The following HSD17B13 variants were observed in gnomAD, a reference collection of about 807,000 sequenced individuals.
HSD17B13 encodes 17-beta-hydroxysteroid dehydrogenase 13.
HSD17B13 carries 26 observed loss-of-function variants against 31.1 expected under a neutral mutation model. The observed-to-expected ratio is 0.84, with a 90% CI of 0.61 to 1.16. HSD17B13 has a LOEUF of 1.16. Among genes scored for constraint, HSD17B13 ranks in the 50% most tolerant of loss-of-function variants. HSD17B13 has a pLI of 0.00. For missense variants in HSD17B13, 374 were observed against 366.5 expected (o/e 1.02, Z -0.17); for synonymous variants, 141 against 133.7 (o/e 1.05, Z -0.38).
rs149172417 is a variant in HSD17B13, at chr4:87,319,177, G to A, written c.211-741C>T. Among the ~76,000 whole-genome samples the A allele has an allele frequency of 3.3e-3, 501 of 152,064 alleles. 2 individuals carry two copies. The highest frequency in any genetic ancestry group is 5.4e-3 in the Non-Finnish European group (365 of 67,984). On this transcript the variant is annotated intron_variant, in intron 1 of 6. Transcript: ENST00000328546. ...AACCTGGGTGACAGAGTGGGACTTC[G>A]TCTCAAAATAAAATAAAAATTGGCC...
rs78194430 is a variant in HSD17B13 at position 87,305,170 on chromosome 4, C to G, written c.*48G>C. ...AAAGCTTTGCAGCATTGATTCGAAA[C>G]TATTCATATCATTATCATGCATACA... On this transcript the variant is annotated 3_prime_UTR_variant, in exon 7 of 7. Transcript: ENST00000328546. The G allele has an allele frequency of 0.028, 32,918 of 1,194,260 alleles. 2,450 individuals are homozygous for G. The East Asian group carries it at 0.3, about 11-fold the overall frequency. The allele number at this position is 1,194,260 out of a possible 1,614,324, so 74.0% of individuals were successfully genotyped here. A position where few individuals can be genotyped will look rare whatever the true frequency, so the allele number is the denominator to read the frequency against.
chr4:87,322,739 C>A lies in HSD17B13; in HGVS notation c.103G>T (p.Ala35Ser), dbSNP rs973333376. 6.2e-7 allele frequency: 1 copy of A among 1,614,094 alleles called. No individual in the cohort carries two copies. Among genetic ancestry groups the A allele is most frequent in the African/African-American group, 1.3e-5 (1 of 75,040 alleles). ...CCAGTAATGAGAACAATCTCCCCAGCCACAGATTTTCTCCTCTGAGGAATG... is the reference window on the plus strand; with the variant it reads ...CCAGTAATGAGAACAATCTCCCCAGACACAGATTTTCTCCTCTGAGGAATG... ...FFIPQRRKSV[A>S]GEIVLITGAG... Residue 35 changes from alanine (A) to serine (S), a missense_variant, in exon 1 of 7, where the codon GCT (alanine) becomes TCT (serine). Transcript: ENST00000328546.
intron 5 of HSD17B13, among the ~76,000 whole-genome samples, chr4:87,311,688 G>T (rs1276127158): frequency 1.3e-5 from 2 of 152,174 alleles, no homozygotes; most frequent in Non-Finnish European, 2.9e-5. Context: ...TCCAGGCATG[G>T]ACTGAACAGC....
intron 6 of HSD17B13, among the ~76,000 whole-genome samples, chr4:87,307,627 G>A (rs775454749): frequency 4.0e-5 from 6 of 151,884 alleles, no homozygotes; most frequent in African/African-American, 1.5e-4. Flanking sequence ...ATTCTCCTGC[G>A]AGTGCCTGGT....
Position 87,317,100 on chromosome 4 carries a change from G to A in HSD17B13, c.442C>T (p.His148Tyr). 1 of 1,613,920 alleles carries A rather than the reference G, an allele frequency of 6.2e-7. No homozygotes were observed. The highest frequency in any genetic ancestry group is 8.5e-7 in the Non-Finnish European group (1 of 1,179,866). The part of the protein sequence containing the change: ...TKTFEVNILG[H>Y]FWITKALLPS... Reference sequence around the variant, plus strand: ...TTCTGACTCACACTCACCCAAAAATGTCCTAGGATGTTGACCTCAAATGTC... The same window carrying A: ...TTCTGACTCACACTCACCCAAAAATATCCTAGGATGTTGACCTCAAATGTC... Residue 148 changes from histidine to tyrosine, a missense_variant, in exon 3 of 7, where the codon CAT becomes TAT. Coordinates refer to ENST00000328546, the MANE Select transcript of HSD17B13 (RefSeq NM_178135.5).
In HSD17B13 at chr4:87,315,523, T is replaced by C. The variant is rs529136744; in HGVS notation, c.527A>G (p.His176Arg). ...TGGGATGAGGTAAGGAATCCCTTCG[T>C]GGCCGCACACTGAAGCCACTGTGAC... ...HIVTVASVCG[H>R]EGIPYLIPYC... Residue 176 changes from histidine to arginine, a missense_variant, in exon 4 of 7, where the codon CAC becomes CGC. His to Arg is a conservative substitution (Grantham distance 29). Transcript: ENST00000328546. The C allele has an allele frequency of 1.4e-5, 23 of 1,611,448 alleles. No individual in the cohort carries two copies. In the South Asian group the frequency reaches 2.3e-4, roughly 16 times the overall value.
Position 87,304,588 on chromosome 4 carries a change from A to G in HSD17B13, c.*630T>C, listed in dbSNP as rs1165930138. The G allele has an allele frequency of 6.6e-6, 1 of 152,212 alleles. No individual in the cohort carries two copies. Among genetic ancestry groups the G allele is most frequent in the Non-Finnish European group, 1.5e-5 (1 of 68,040 alleles). The allele number at this position is 152,212 out of a possible 1,614,324, so 9.4% of individuals were successfully genotyped here. A position where few individuals can be genotyped will look rare whatever the true frequency, so the allele number is the denominator to read the frequency against. ...TTCATAATGTATCTTATAAGACTAT[A>G]AAAAGGGAGGAAATATAGAGGGTCC... On this transcript the variant is annotated 3_prime_UTR_variant, in exon 7 of 7. Transcript: ENST00000328546.
chr4:87,320,973 A>G (rs1362883573), intron 1 of HSD17B13, among the ~76,000 whole-genome samples: 2 of 152,208 alleles, frequency 1.3e-5, no homozygotes, highest in African/African-American at 4.8e-5. Context: ...ATGTTTAACC[A>G]TGAAATTTAA....
intron 3 of HSD17B13, 122 bp downstream of exon 3, chr4:87,316,970 G>A: frequency 1.0e-6 from 1 of 975,676 alleles, no homozygotes; most frequent in South Asian, 1.6e-5. Flanking sequence ...CAAATTTAAT[G>A]ATTCTTGATT....
Position 87,304,461 on chromosome 4 carries a change from A to G in HSD17B13, c.*757T>C, listed in dbSNP as rs1356990033. On this transcript the variant is annotated 3_prime_UTR_variant, in exon 7 of 7. Coordinates refer to ENST00000328546, the MANE Select transcript of HSD17B13 (RefSeq NM_178135.5). ...TTTTTGAGCCTAAAATTGTCTAAAC[A>G]TCTCTGGGACCAAGGATATATGAAA... 6.6e-6 allele frequency: 1 copy of G among 152,248 alleles called. No individual in the cohort carries two copies. Among genetic ancestry groups the G allele is most frequent in the Admixed American group, 6.5e-5 (1 of 15,278 alleles). The allele number at this position is 152,248 out of a possible 1,614,324, so 9.4% of individuals were successfully genotyped here.
intron 6 of HSD17B13, among the ~76,000 whole-genome samples, chr4:87,305,515 T>C (rs1253359941): frequency 3.3e-5 from 5 of 151,900 alleles, no homozygotes; most frequent in Non-Finnish European, 4.4e-5. Flanking sequence ...CATAGTGGAC[T>C]TCATTAGGAA....
intron 5 of HSD17B13, among the ~76,000 whole-genome samples, chr4:87,312,678 C>A (rs1343896390): frequency 6.6e-6 from 1 of 151,160 alleles, no homozygotes; most frequent in Admixed American, 6.6e-5. Flanking sequence ...TACAGGCGCC[C>A]GCCACCACGC....
At chr4:87,318,481 A>G (rs1368610618) in intron 1 of HSD17B13, 45 bp from the exon 2 acceptor site, 3 of 1,532,884 alleles carry the variant, frequency 2.0e-6, no homozygotes, top group Non-Finnish European at 2.7e-6. Flanking sequence ...GGAGGAGAAG[A>G]CATTGGAGAA....
At chr4:87,322,099 C>T (rs6828253) in intron 1 of HSD17B13, among the ~76,000 whole-genome samples, 9 of 152,256 alleles carry the variant, frequency 5.9e-5, no homozygotes, top group East Asian at 1.9e-4. Flanking sequence ...TCATGTGCCA[C>T]GTATCGTTTA....
At position 87,304,093 on chromosome 4, in the gene HSD17B13, A is replaced by G. The variant is rs975109563; in HGVS notation, c.*1125T>C. ...GGGAGGCCGAGGCAGGTGGATCACGAGGTCAGGAGATCGAGACCATCTTGG... is the reference window on the plus strand; with the variant it reads ...GGGAGGCCGAGGCAGGTGGATCACGGGGTCAGGAGATCGAGACCATCTTGG... On this transcript the variant is annotated 3_prime_UTR_variant, in exon 7 of 7. Coordinates refer to ENST00000328546, the MANE Select transcript of HSD17B13 (RefSeq NM_178135.5). The G allele has an allele frequency of 6.6e-6, 1 of 151,892 alleles. No homozygotes were observed. The highest frequency in any genetic ancestry group is 2.4e-5 in the African/African-American group (1 of 41,334). The allele number at this position is 151,892 out of a possible 1,614,324, so 9.4% of individuals were successfully genotyped here. A position where few individuals can be genotyped will look rare whatever the true frequency, so the allele number is the denominator to read the frequency against.
intron 5 of HSD17B13, among the ~76,000 whole-genome samples, chr4:87,312,616 G>A (rs1412951549): frequency 4.1e-4 from 52 of 127,820 alleles, no homozygotes; most frequent in East Asian, 2.2e-3. Context: ...TGCAAGCTCC[G>A]CCTCCCGGGT....
intron 5 of HSD17B13, among the ~76,000 whole-genome samples, chr4:87,310,574 G>A (rs1324660537): frequency 6.6e-6 from 1 of 152,142 alleles, no homozygotes; most frequent in African/African-American, 2.4e-5. Context: ...TATCCAGTAG[G>A]TGTGTTTCAT....
At position 87,303,980 on chromosome 4, in the gene HSD17B13, GTCTTGATGTA is replaced by G. The variant is rs1198066758; in HGVS notation, c.*1228_*1237del. On this transcript the variant is annotated 3_prime_UTR_variant, in exon 7 of 7. Transcript: ENST00000328546. ...GTGAAAAACACACAAAACAAGATTAGTCTTGATGTAGTGGGAGTCGGATTATTTTTTCTAT... is the reference window on the plus strand; with the variant it reads ...GTGAAAAACACACAAAACAAGATTAGGTGGGAGTCGGATTATTTTTTCTAT... The G allele has an allele frequency of 6.6e-6, 1 of 151,738 alleles. No homozygotes were observed. The highest frequency in any genetic ancestry group is 3.2e-3 in the Middle Eastern group (1 of 316). 9.4% of individuals were successfully genotyped at this position (151,738 alleles called of 1,614,324 possible). A position where few individuals can be genotyped will look rare whatever the true frequency, so the allele number is the denominator to read the frequency against.
intron 6 of HSD17B13, among the ~76,000 whole-genome samples, chr4:87,306,606 G>A (rs998008748): frequency 2.3e-4 from 35 of 152,120 alleles, no homozygotes; most frequent in African/African-American, 8.2e-4. Flanking sequence ...AGATGAGTAG[G>A]CAACTGAAAG....
Sources: gnomAD v4.1 joint callset for allele counts (sites outside exome capture counted in the v4.1 genomes callset) on GRCh38, gnomAD v4.1.1 for gene constraint, MANE v1.5 for transcripts, NCBI Gene and HGNC (gene_info 2026-07-23, HGNC 2026-07-21) for gene names.